The following CYLD variants were observed in gnomAD, a reference collection of about 807,000 sequenced individuals.
CYLD encodes the protein CYLD lysine 63 deubiquitinase.
Under a neutral mutation model 104.5 loss-of-function variants are expected in CYLD, and 26 were observed. The ratio of observed to expected loss-of-function variants is 0.25; its 90% confidence interval spans 0.18 to 0.35. The LOEUF is 0.35. Ranked by LOEUF, CYLD falls within the 10% of genes least tolerant of loss-of-function variation. CYLD has a pLI of 1.00. For missense variants in CYLD, 703 were observed against 1,136.1 expected, an observed-to-expected ratio of 0.62 and a Z score of 5.48; for synonymous variants, 385 against 399.9, an observed-to-expected ratio of 0.96 and a Z score of 0.45.
intron 2 of CYLD, among the ~76,000 whole-genome samples, chr16:50,747,730 A>G (rs1043483728): frequency 1.3e-5 from 2 of 152,196 alleles, no homozygotes; most frequent in Non-Finnish European, 2.9e-5. Context: ...ATATAAATTG[A>G]TCCCATTCTT....
In CYLD at chr16:50,793,782, A is replaced by C; in HGVS notation, c.2469+118A>C. On this transcript the variant is annotated intron_variant, in intron 17 of 18. Transcript: ENST00000427738. ...AATCATAATTAACGGTTAAAAATTCACAATAAAATGGTATTGCTTTTGCCT... is the reference window on the plus strand; with the variant it reads ...AATCATAATTAACGGTTAAAAATTCCCAATAAAATGGTATTGCTTTTGCCT... 3.8e-6 allele frequency: 3 copies of C among 784,006 alleles called. No individual in the cohort carries two copies. In the South Asian group the frequency reaches 4.4e-5, roughly 11 times the overall value. The allele number at this position is 784,006 out of a possible 1,614,324, so 48.6% of individuals were successfully genotyped here.
chr16:50,747,737 T>C (rs1476919139), intron 2 of CYLD, among the ~76,000 whole-genome samples: 1 of 152,198 alleles, frequency 6.6e-6, no homozygotes, highest in African/African-American at 2.4e-5. Flanking sequence ...TTGATCCCAT[T>C]CTTGCTGAAG....
intron 2 of CYLD, among the ~76,000 whole-genome samples, chr16:50,743,626 A>T (rs1012386848): frequency 6.6e-6 from 1 of 152,186 alleles, no homozygotes; most frequent in Non-Finnish European, 1.5e-5. Context: ...AGAGAAAGGA[A>T]TAGTTATGTT....
At position 50,792,722 on chromosome 16, in the gene CYLD, T is replaced by C. The variant is rs778057107; in HGVS notation, c.2350+17T>C. 3 of 1,300,674 alleles carry C rather than the reference T, an allele frequency of 2.3e-6. No individual in the cohort carries two copies. In the South Asian group the frequency reaches 3.7e-5, roughly 16 times the overall value. 80.6% of individuals were successfully genotyped at this position (1,300,674 alleles called of 1,614,324 possible). ...TTGAAGACAGTAAGTATGAGATTTT[T>C]TTAGTTTGTTTTGTTGGTTTTGTGG... On this transcript the variant is annotated intron_variant, in intron 16 of 18. Transcript: ENST00000427738.
intron 2 of CYLD, among the ~76,000 whole-genome samples, chr16:50,748,400 G>C (rs1050513367): frequency 6.6e-6 from 1 of 152,076 alleles, no homozygotes; most frequent in African/African-American, 2.4e-5. Context: ...TTTTAAATGA[G>C]GACCAGGTGC....
chr16:50,757,685 C>T lies in CYLD; in HGVS notation c.913+3261C>T, dbSNP rs541719570. Reference sequence around the variant, plus strand: ...CCGAGTAGCTGGGACCACAGGCGCCCGCCACCACGCCCGGCTAATGTTTTG... The same window carrying T: ...CCGAGTAGCTGGGACCACAGGCGCCTGCCACCACGCCCGGCTAATGTTTTG... On this transcript the variant is annotated intron_variant, in intron 5 of 18. Transcript: ENST00000427738. 1.1e-4 allele frequency among the ~76,000 whole-genome samples: 17 copies of T among 152,012 alleles called. 2 individuals carry two copies. The highest frequency in any genetic ancestry group is 3.6e-4 in the African/African-American group (15 of 41,460).
rs543383926 is a variant in CYLD at position 50,791,891 on chromosome 16, G to T, written c.2241+201G>T. On this transcript the variant is annotated intron_variant, in intron 15 of 18. Coordinates refer to ENST00000427738, the MANE Select transcript of CYLD (RefSeq NM_001378743.1). The stretch of plus-strand genomic sequence containing the variant: ...TCTTAGAATTAAGATTGAATTTTTT[G>T]GATTTCTGCTGCCAAAGAAAACACC... 1.3e-5 allele frequency among the ~76,000 whole-genome samples: 2 copies of T among 152,216 alleles called. 1 individual carries two copies. Among genetic ancestry groups the T allele is most frequent in the African/African-American group, 4.8e-5 (2 of 41,548 alleles).
chr16:50,776,133 T>A, intron 6 of CYLD, 46 bp from the exon 7 acceptor site: 1 of 1,310,418 alleles, frequency 7.6e-7, no homozygotes, highest in African/African-American at 1.4e-5. Context: ...GTTTCTCTTC[T>A]ATAAGAATTT....
At chr16:50,772,788 G>A (rs762191163) in intron 5 of CYLD, among the ~76,000 whole-genome samples, 4 of 152,120 alleles carry the variant, frequency 2.6e-5, no homozygotes, top group Admixed American at 6.5e-5. Context: ...CTTGTCAATC[G>A]GAGTCACCAT....
chr16:50,779,684 A>G lies in CYLD; in HGVS notation c.1158A>G (p.Lys386=). The G allele has an allele frequency of 6.2e-7, 1 of 1,613,982 alleles. No homozygotes were observed. Among genetic ancestry groups the G allele is most frequent in the South Asian group, 1.1e-5 (1 of 91,070 alleles). ...YIDEVAEDPA[K]SLTEISTDFD... ...TTTTAGTTGCAGAAGACCCTGCAAAATCTCTTACAGAGATATCTACAGACT... is the reference window on the plus strand; with the variant it reads ...TTTTAGTTGCAGAAGACCCTGCAAAGTCTCTTACAGAGATATCTACAGACT... Residue 386 remains lysine, a synonymous_variant, in exon 9 of 19, where the codon AAA becomes AAG. Transcript: ENST00000427738.
In CYLD at chr16:50,799,046, T is replaced by C. The variant is rs1233863126; in HGVS notation, c.*2538T>C. ...ACAGCCTGGTTTGTCAAGAGGCACA[T>C]AGTTGGGGCTGGGCTGCATGGCACA... On this transcript the variant is annotated 3_prime_UTR_variant, in exon 19 of 19. Coordinates refer to ENST00000427738, the MANE Select transcript of CYLD (RefSeq NM_001378743.1). 4 of 233,294 alleles carry C rather than the reference T, an allele frequency of 1.7e-5. No homozygotes were observed. The highest frequency in any genetic ancestry group is 8.8e-5 in the African/African-American group (4 of 45,352). The allele number at this position is 233,294 out of a possible 1,614,324, so 14.5% of individuals were successfully genotyped here.
rs143577267 is a variant in CYLD, at chr16:50,758,893, G to A, written c.913+4469G>A. Among the ~76,000 whole-genome samples the A allele has an allele frequency of 1.5e-3, 230 of 152,164 alleles. 1 individual carries two copies. The highest frequency in any genetic ancestry group is 2.2e-3 in the Admixed American group (33 of 15,288). On this transcript the variant is annotated intron_variant, in intron 5 of 18. Transcript: ENST00000427738. ...TTGAATGTTTATGTTAATATTATAC[G>A]AATTCATGTTTAATCCTTAAAAATG...
chr16:50,747,600 C>A (rs1046968268), intron 2 of CYLD, among the ~76,000 whole-genome samples: 6 of 152,132 alleles, frequency 3.9e-5, no homozygotes, highest in Non-Finnish European at 8.8e-5. Context: ...TCAGTTTGGT[C>A]CTTTAAAGGA....
Position 50,750,086 on chromosome 16 carries a change from C to G in CYLD, c.388C>G (p.Pro130Ala), listed in dbSNP as rs764687557. The change falls in exon 3 of 19, where the codon CCT becomes GCT. Residue 130 changes from proline to alanine, a missense_variant. By Grantham distance (27) the Pro-to-Ala change is conservative. Transcript: ENST00000427738. ...AGGCCTCCAAATAGACGTGGGCTGT[C>G]CTGTGAAAGTACAGCTGAGATCTGG... The part of the protein sequence containing the change: ...SKGLQIDVGC[P>A]VKVQLRSGEE... 3 of 1,613,966 alleles carry G rather than the reference C, an allele frequency of 1.9e-6. No homozygotes were observed. In the African/African-American group the frequency reaches 4.0e-5, roughly 22 times the overall value.
chr16:50,789,493 A>G (rs936689719), intron 14 of CYLD, among the ~76,000 whole-genome samples: 5 of 152,138 alleles, frequency 3.3e-5, no homozygotes, highest in Non-Finnish European at 4.4e-5. Flanking sequence ...ATCTCTGAAT[A>G]TATCTCAGAG....
intron 18 of CYLD, among the ~76,000 whole-genome samples, chr16:50,795,995 A>G (rs1048147433): frequency 1.3e-5 from 2 of 152,176 alleles, no homozygotes; most frequent in Non-Finnish European, 2.9e-5. Context: ...TGTGTCTGGG[A>G]GGAAATGAAA....
rs1970049354 is a variant in CYLD at position 50,779,884 on chromosome 16, C to G, written c.1358C>G (p.Pro453Arg). 6.2e-7 allele frequency: 1 copy of G among 1,614,094 alleles called. No individual in the cohort carries two copies. Among genetic ancestry groups the G allele is most frequent in the Non-Finnish European group, 8.5e-7 (1 of 1,179,984 alleles). The change falls in exon 9 of 19, where the codon CCC (proline) becomes CGC (arginine). Residue 453 changes from proline to arginine, a missense_variant. Around this residue, in one of 5 missense-constraint regions of CYLD, gnomAD observed 183 missense variants for 212.1 expected, o/e 0.86. Transcript: ENST00000427738. ...GTAATGGAAGAGCTAAACACTGCAC[C>G]CGTCCAAGAGAGTCCACCCTTGGCC... is the stretch of plus-strand genomic sequence containing the variant. ...QSVMEELNTAPVQESPPLAMP... is the reference protein window; with the variant it reads ...QSVMEELNTARVQESPPLAMP...
rs756631851 is a variant in CYLD, at chr16:50,793,597, A to T, written c.2402A>T (p.Glu801Val). 5 of 1,614,092 alleles carry T rather than the reference A, an allele frequency of 3.1e-6. No individual in the cohort carries two copies. The highest frequency in any genetic ancestry group is 3.4e-6 in the Non-Finnish European group (4 of 1,180,002). The part of the protein sequence containing the change: ...CGGLAMYECR[E>V]CYDDPDISAG... The stretch of plus-strand genomic sequence containing the variant: ...GGGCTTGCAATGTATGAGTGTAGAG[A>T]ATGCTACGACGATCCGGACATCTCA... Residue 801 changes from glutamate to valine, a missense_variant, in exon 17 of 19, where the codon GAA becomes GTA. Coordinates refer to ENST00000427738, the MANE Select transcript of CYLD (RefSeq NM_001378743.1).
chr16:50,777,769 A>C, intron 7 of CYLD, 56 bp from the exon 8 acceptor site: 1 of 903,168 alleles, frequency 1.1e-6, no homozygotes, highest in Non-Finnish European at 1.8e-6. Flanking sequence ...TACTAAAAAA[A>C]AACTTTGATG....
Sources: gnomAD v4.1 joint callset for allele counts (sites outside exome capture counted in the v4.1 genomes callset) on GRCh38, gnomAD v4.1.1 for gene constraint, gnomAD v4.1.1 regional missense constraint, MANE v1.5 for transcripts, NCBI Gene and HGNC (gene_info 2026-07-23, HGNC 2026-07-21) for gene names.